Variants in FBXL17 observed in about 807,000 individuals in gnomAD.
FBXL17 encodes F-box/LRR-repeat protein 17.
FBXL17 carries 22 observed loss-of-function variants against 66.2 expected under a neutral mutation model. That is an observed-to-expected ratio of 0.33 (90% CI 0.24 to 0.47). The LOEUF is 0.47. Ranked by LOEUF, FBXL17 falls within the 20% of genes least tolerant of loss-of-function variation. The pLI is 1.00. For synonymous variants in FBXL17, 474 were observed against 400.5 expected (o/e 1.18, Z -2.19); for missense variants, 878 against 948.2 (o/e 0.93, Z 0.97).
intron 6 of FBXL17, among the ~76,000 whole-genome samples, chr5:108,098,941 T>A (rs1005097890): frequency 2.0e-5 from 3 of 152,128 alleles, no homozygotes; most frequent in Admixed American, 6.5e-5. Flanking sequence ...CTTCAGAGAA[T>A]ATAAGATCAG....
intron 7 of FBXL17, among the ~76,000 whole-genome samples, chr5:107,922,000 C>T (rs1018822038): frequency 1.3e-5 from 2 of 152,088 alleles, no homozygotes; most frequent in African/African-American, 4.8e-5. Flanking sequence ...ATGATGCCTG[C>T]TGCTGGCTTC....
chr5:108,344,136 G>A (rs1747085363), intron 4 of FBXL17, among the ~76,000 whole-genome samples: 1 of 151,952 alleles, frequency 6.6e-6, no homozygotes, highest in Admixed American at 6.6e-5. Flanking sequence ...CTCAAAAATG[G>A]CGTTTGCCTC....
rs541114861 is a variant in FBXL17 at position 108,268,976 on chromosome 5, G to C, written c.1507-44748C>G. Among the ~76,000 whole-genome samples, 17 of 152,168 alleles carry C rather than the reference G, an allele frequency of 1.1e-4. No homozygotes were observed. In the South Asian group the frequency reaches 1.2e-3, roughly 11 times the overall value. The stretch of plus-strand genomic sequence containing the variant: ...AGTTGAATATTCATATAATGAGGTA[G>C]ACAAAGAGTAGTAAATTATGAAAAT... On this transcript the variant is annotated intron_variant, in intron 4 of 8. Transcript: ENST00000542267.
chr5:108,039,551 CTAAAA>C (rs1425491311), intron 6 of FBXL17, among the ~76,000 whole-genome samples: 1 of 151,874 alleles, frequency 6.6e-6, no homozygotes. Flanking sequence ...AAATAAATGC[CTAAAA>C]TAAAATTACT....
At chr5:108,010,314 G>A (rs182440517) in intron 7 of FBXL17, among the ~76,000 whole-genome samples, 9 of 152,270 alleles carry the variant, frequency 5.9e-5, no homozygotes, top group African/African-American at 1.9e-4. Flanking sequence ...CAAGTTGATG[G>A]ACTAGCTAAA....
At chr5:108,245,056 T>G (rs1449574895) in intron 4 of FBXL17, among the ~76,000 whole-genome samples, 1 of 152,168 alleles carries the variant, frequency 6.6e-6, no homozygotes, top group Non-Finnish European at 1.5e-5. Flanking sequence ...GTTTCTTATT[T>G]GTAAAGGAAA....
At chr5:107,878,853 C>G (rs1748693382) in intron 8 of FBXL17, 1 of 985,378 alleles carries the variant, frequency 1.0e-6, no homozygotes, top group African/African-American at 1.7e-5. Flanking sequence ...AAGGCTGGGT[C>G]CAGCATCTCC....
intron 6 of FBXL17, among the ~76,000 whole-genome samples, chr5:108,081,801 G>C (rs1373030051): frequency 6.6e-6 from 1 of 152,096 alleles, no homozygotes; most frequent in East Asian, 1.9e-4. Flanking sequence ...TTCAAGCTTT[G>C]CTTCACACAT....
At chr5:108,130,965 A>G (rs1392115680) in intron 6 of FBXL17, among the ~76,000 whole-genome samples, 2 of 152,106 alleles carry the variant, frequency 1.3e-5, no homozygotes, top group Non-Finnish European at 2.9e-5. Context: ...GAATTTTTCA[A>G]GTCTTTCTAA....
At chr5:108,004,990 T>G (rs1485927835) in intron 7 of FBXL17, among the ~76,000 whole-genome samples, 1 of 152,136 alleles carries the variant, frequency 6.6e-6, no homozygotes, top group Non-Finnish European at 1.5e-5. Flanking sequence ...CTGACAAATT[T>G]TTGCCAAGAA....
chr5:107,865,061 G>T (rs1337486716), intron 8 of FBXL17, among the ~76,000 whole-genome samples: 1 of 152,214 alleles, frequency 6.6e-6, no homozygotes, highest in Non-Finnish European at 1.5e-5. Context: ...AGTAAATGTA[G>T]TCCAAGCCAC....
chr5:108,237,720 G>T (rs907876391), intron 4 of FBXL17, among the ~76,000 whole-genome samples: 1 of 152,068 alleles, frequency 6.6e-6, no homozygotes, highest in Admixed American at 6.6e-5. Context: ...CCTCAAGGAG[G>T]CTGGCCAGGA....
intron 7 of FBXL17, among the ~76,000 whole-genome samples, chr5:107,913,673 C>T (rs1052844216): frequency 3.9e-5 from 6 of 152,130 alleles, no homozygotes; most frequent in South Asian, 2.1e-4. Flanking sequence ...AAGGAGCACA[C>T]TCTAACGCTT....
chr5:108,077,662 CAAAAA>C (rs5870293), intron 6 of FBXL17, among the ~76,000 whole-genome samples: 2 of 134,050 alleles, frequency 1.5e-5, no homozygotes, highest in Admixed American at 1.5e-4. Context: ...GATCCTATCT[CAAAAA>C]AAAAAAAAAA....
chr5:108,126,664 C>CTCTCTCTCTCT (rs1561423141), intron 6 of FBXL17, among the ~76,000 whole-genome samples: 20 of 107,968 alleles, frequency 1.9e-4, no homozygotes, highest in African/African-American at 5.8e-4. Context: ...TATATATATA[C>CTCTCTCTCTCT]ATATATATAT....
At chr5:107,949,221 G>T (rs1751416606) in intron 7 of FBXL17, among the ~76,000 whole-genome samples, 1 of 151,288 alleles carries the variant, frequency 6.6e-6, no homozygotes, top group African/African-American at 2.4e-5. Flanking sequence ...CTTAGACCAT[G>T]ATGTTACTTA....
At chr5:107,950,131 T>C (rs1014890304) in intron 7 of FBXL17, among the ~76,000 whole-genome samples, 3 of 151,868 alleles carry the variant, frequency 2.0e-5, no homozygotes, top group Non-Finnish European at 4.4e-5. Context: ...AGGGAGAGGG[T>C]TGTTGAAGAA....
chr5:108,368,566 A>C lies in FBXL17; in HGVS notation c.994-613T>G, dbSNP rs960407193. 3.3e-5 allele frequency among the ~76,000 whole-genome samples: 5 copies of C among 152,246 alleles called. 1 individual carries two copies. Among genetic ancestry groups the C allele is most frequent in the Admixed American group, 3.3e-4 (5 of 15,292 alleles). ...CTCAAAAAATTCAAGGTCATGAAAA[A>C]CAACAAAAAAAGAAAGCAATTATCA... On this transcript the variant is annotated intron_variant, in intron 1 of 8. Transcript: ENST00000542267.
intron 4 of FBXL17, among the ~76,000 whole-genome samples, chr5:108,342,420 C>A (rs1483295536): frequency 6.6e-6 from 1 of 152,148 alleles, no homozygotes; most frequent in East Asian, 1.9e-4. Flanking sequence ...CTGGTACTTG[C>A]AGCTTCTCCT....
Sources: gnomAD v4.1 joint callset for allele counts (sites outside exome capture counted in the v4.1 genomes callset) on GRCh38, gnomAD v4.1.1 for gene constraint, MANE v1.5 for transcripts, NCBI Gene and HGNC (gene_info 2026-07-23, HGNC 2026-07-21) for gene names.